MX1: variants seen among roughly 807,000 people sequenced by gnomAD.
The protein encoded by MX1 is interferon-induced GTP-binding protein Mx1.
A neutral mutation model predicts 66.4 loss-of-function variants in MX1; 66 were observed. The ratio of observed to expected loss-of-function variants is 0.99; its 90% CI spans 0.82 to 1.22. The LOEUF (loss-of-function observed/expected upper bound fraction) is 1.22, where lower values mean the gene tolerates loss of function less well. Ranked by LOEUF, MX1 falls within the 50% of genes most tolerant of loss-of-function variation. The pLI is 0.00. For missense variants in MX1, 787 were observed against 834.3 expected, an observed-to-expected ratio of 0.94 and a Z score of 0.70; for synonymous variants, 311 against 318.1, an observed-to-expected ratio of 0.98 and a Z score of 0.24.
chr21:41,425,879 T>G (rs1052899315), upstream of MX1, among the ~76,000 whole-genome samples: 5 of 152,148 alleles, frequency 3.3e-5, no homozygotes, highest in African/African-American at 1.2e-4. Flanking sequence ...GGGAGGGAAC[T>G]GAAGACCCCC....
chr21:41,458,885 C>G lies in MX1; in HGVS notation c.*127C>G. ...TAGTCCGTCTCTGCTTATCCGTTAG[C>G]CGTGGTGATTTAGCAGGAAGCTGTG... On this transcript the variant is annotated 3_prime_UTR_variant, in exon 17 of 17. Coordinates refer to ENST00000398598, the MANE Select transcript of MX1 (RefSeq NM_002462.5). The G allele has an allele frequency of 3.5e-6, 5 of 1,430,570 alleles. No homozygotes were observed. The highest frequency in any genetic ancestry group is 4.6e-6 in the Non-Finnish European group (5 of 1,088,646). 88.6% of individuals were successfully genotyped at this position (1,430,570 alleles called of 1,614,324 possible).
intron 10 of MX1, 110 bp downstream of exon 10, chr21:41,442,024 T>C (rs942837549): frequency 6.2e-5 from 61 of 987,552 alleles, no homozygotes; most frequent in Middle Eastern, 5.0e-4. Flanking sequence ...TGTGTGTGTG[T>C]GCGTGTGTGT....
At chr21:41,423,927 C>G (rs2090018089), upstream of MX1, among the ~76,000 whole-genome samples, 1 of 152,168 alleles carries the variant, frequency 6.6e-6, no homozygotes, top group Non-Finnish European at 1.5e-5. Flanking sequence ...CCTCACTGCC[C>G]TTCCGAGTCC....
intron 13 of MX1, among the ~76,000 whole-genome samples, chr21:41,447,304 C>A (rs1473021197): frequency 6.6e-6 from 1 of 152,158 alleles, no homozygotes; most frequent in Non-Finnish European, 1.5e-5. Flanking sequence ...GACCTGATTT[C>A]AATTTAATTA....
intron 16 of MX1, among the ~76,000 whole-genome samples, chr21:41,453,678 T>C (rs1394239932): frequency 6.6e-6 from 1 of 152,212 alleles, no homozygotes; most frequent in Admixed American, 6.5e-5. Flanking sequence ...TGCCTGAGGC[T>C]GTCAGGATGC....
chr21:41,446,208 C>A, intron 13 of MX1, 67 bp downstream of exon 13: 2 of 1,359,668 alleles, frequency 1.5e-6, no homozygotes, highest in Non-Finnish European at 2.1e-6. Flanking sequence ...CATTTATAAA[C>A]AGTAGAAACT....
intron 4 of MX1, among the ~76,000 whole-genome samples, chr21:41,431,531 A>G (rs2146102154): frequency 6.7e-6 from 1 of 150,270 alleles, no homozygotes; most frequent in South Asian, 2.1e-4. Context: ...ACTGGGGTGC[A>G]GTGGCGTGAT....
chr21:41,433,507 A>G (rs2090279554), intron 5 of MX1, among the ~76,000 whole-genome samples: 1 of 152,276 alleles, frequency 6.6e-6, no homozygotes. Context: ...CCAGGTATCA[A>G]AATGGCTGCA....
chr21:41,456,353 C>T (rs1407208027), intron 16 of MX1, among the ~76,000 whole-genome samples: 2 of 152,186 alleles, frequency 1.3e-5, no homozygotes, highest in African/African-American at 2.4e-5. Flanking sequence ...GCTGGCAAGT[C>T]CAAAATCCCA....
intron 4 of MX1, chr21:41,431,799 G>C: frequency 2.5e-6 from 1 of 405,602 alleles, no homozygotes; most frequent in Non-Finnish European, 4.6e-6. Flanking sequence ...GAAGCGCCTT[G>C]AGCAGGGAGG....
upstream of MX1, among the ~76,000 whole-genome samples, chr21:41,425,072 G>A (rs757824446): frequency 6.6e-6 from 1 of 152,198 alleles, no homozygotes; most frequent in African/African-American, 2.4e-5. Flanking sequence ...GCTGGGAGGG[G>A]CTGCTTAAAA....
At chr21:41,439,621 A>C in intron 7 of MX1, 73 bp from the exon 8 acceptor site, 1 of 1,407,544 alleles carries the variant, frequency 7.1e-7, no homozygotes, top group Non-Finnish European at 1.0e-6. Flanking sequence ...AGATGCTTTC[A>C]GAGTATTCAC....
chr21:41,452,387 C>T (rs549457322), intron 15 of MX1, among the ~76,000 whole-genome samples: 77 of 152,180 alleles, frequency 5.1e-4, no homozygotes, highest in Non-Finnish European at 9.7e-4. Context: ...CCCCAGGCCC[C>T]GGGATGGGGG....
chr21:41,433,610 C>T lies in MX1; in HGVS notation c.105+1435C>T, dbSNP rs537154303. 3.9e-5 allele frequency among the ~76,000 whole-genome samples: 6 copies of T among 152,244 alleles called. No individual in the cohort carries two copies. The East Asian group carries it at 1.2e-3, about 29-fold the overall frequency. Reference sequence around the variant, plus strand: ...AAATTCCCCAACAGGCAGCAATAGGCAATATACCATTGTGGGAAAAACATA... The same window carrying T: ...AAATTCCCCAACAGGCAGCAATAGGTAATATACCATTGTGGGAAAAACATA... On this transcript the variant is annotated intron_variant, in intron 5 of 16. Transcript: ENST00000398598.
intron 5 of MX1, 53 bp downstream of exon 5, chr21:41,432,228 G>A (rs2090237887): frequency 4.5e-6 from 7 of 1,542,436 alleles, no homozygotes; most frequent in Admixed American, 1.7e-5. Flanking sequence ...ATGCCCATTC[G>A]AGGCTGCCCT....
chr21:41,441,470 A>G lies in MX1; in HGVS notation c.731-246A>G, dbSNP rs2090509542. ...CAAAACGTGGCGTGTTCTACAGTGG[A>G]CCCGGGTGAAGGAGCTTGGGGAGAG... On this transcript the variant is annotated intron_variant, in intron 9 of 16. Coordinates refer to ENST00000398598, the MANE Select transcript of MX1 (RefSeq NM_002462.5). The surrounding 1 kb of genome is among the most constrained non-coding windows in gnomAD (Gnocchi z 4.0). The G allele has an allele frequency of 5.3e-6, 3 of 563,612 alleles. No individual in the cohort carries two copies. The Admixed American group carries it at 9.1e-5, about 17-fold the overall frequency. 34.9% of individuals were successfully genotyped at this position (563,612 alleles called of 1,614,324 possible).
intron 13 of MX1, among the ~76,000 whole-genome samples, chr21:41,447,920 G>A (rs2090710488): frequency 1.3e-5 from 2 of 152,038 alleles, no homozygotes; most frequent in Admixed American, 1.3e-4. Flanking sequence ...AGTAGAGATG[G>A]GGTTTCACCA....
At chr21:41,435,224 C>G (rs1172982335) in intron 5 of MX1, among the ~76,000 whole-genome samples, 1 of 152,184 alleles carries the variant, frequency 6.6e-6, no homozygotes, top group Non-Finnish European at 1.5e-5. Flanking sequence ...CAATTTGACC[C>G]TCTTATGGCT....
At chr21:41,434,818 A>G (rs778445356) in intron 5 of MX1, among the ~76,000 whole-genome samples, 4 of 152,232 alleles carry the variant, frequency 2.6e-5, no homozygotes, top group Non-Finnish European at 4.4e-5. Flanking sequence ...CTTTTAAATA[A>G]AGATAGCAAA....
Sources: gnomAD v4.1 joint callset for allele counts (sites outside exome capture counted in the v4.1 genomes callset) on GRCh38, gnomAD v4.1.1 for gene constraint, Gnocchi (gnomAD v3.1) non-coding constraint, MANE v1.5 for transcripts, NCBI Gene and HGNC (gene_info 2026-07-23, HGNC 2026-07-21) for gene names.